AGBL4: variants seen among roughly 807,000 people sequenced by gnomAD.
AGBL4 encodes cytosolic carboxypeptidase 6.
In AGBL4, 58 loss-of-function variants were observed where a neutral mutation model predicts 66.4. The observed-to-expected ratio is 0.87, with a 90% confidence interval of 0.71 to 1.09. The LOEUF (loss-of-function observed/expected upper bound fraction) is 1.09, where lower values mean the gene tolerates loss of function less well. Among genes scored for constraint, AGBL4 ranks in the 50% least tolerant of loss-of-function variants. AGBL4 has a pLI of 0.00. For missense variants in AGBL4, 579 were observed against 631.0 expected, an observed-to-expected ratio of 0.92 and a Z score of 0.88; for synonymous variants, 234 against 222.9, an observed-to-expected ratio of 1.05 and a Z score of -0.44.
intron 3 of AGBL4, among the ~76,000 whole-genome samples, chr1:49,669,092 T>C (rs1438576397): frequency 2.6e-5 from 4 of 151,988 alleles, no homozygotes; most frequent in African/African-American, 7.2e-5. Context: ...CTTTACAACA[T>C]AGTGTGCAGA....
At chr1:49,758,400 T>G (rs1652053744) in intron 2 of AGBL4, among the ~76,000 whole-genome samples, 1 of 151,642 alleles carries the variant, frequency 6.6e-6, no homozygotes, top group Non-Finnish European at 1.5e-5. Flanking sequence ...ATGGCCACCA[T>G]CCTCTAGACC....
chr1:48,979,073 T>C (rs1401464369), intron 5 of AGBL4, among the ~76,000 whole-genome samples: 2 of 152,120 alleles, frequency 1.3e-5, no homozygotes, highest in Non-Finnish European at 1.5e-5. Flanking sequence ...CTGGAAAACA[T>C]AAATGAATTC....
At chr1:49,907,081 T>C (rs1650349708) in intron 1 of AGBL4, among the ~76,000 whole-genome samples, 2 of 152,110 alleles carry the variant, frequency 1.3e-5, no homozygotes, top group African/African-American at 2.4e-5. Flanking sequence ...TTCTAAGTTG[T>C]AGCAAAACAA....
At chr1:49,968,946 T>C in intron 1 of AGBL4, among the ~76,000 whole-genome samples, 1 of 152,240 alleles carries the variant, frequency 6.6e-6, no homozygotes, top group East Asian at 1.9e-4. Flanking sequence ...TAACCATTGT[T>C]ATGTTAAGGT....
At chr1:48,947,148 C>T (rs1656584774) in intron 5 of AGBL4, among the ~76,000 whole-genome samples, 1 of 152,248 alleles carries the variant, frequency 6.6e-6, no homozygotes, top group African/African-American at 2.4e-5. Context: ...TTGAGTCCAG[C>T]TCAAAAGTCA....
At chr1:49,757,446 A>C (rs892692738) in intron 2 of AGBL4, among the ~76,000 whole-genome samples, 1 of 152,230 alleles carries the variant, frequency 6.6e-6, no homozygotes, top group South Asian at 2.1e-4. Context: ...GCTCAAAAGA[A>C]GACAGAAAAG....
intron 5 of AGBL4, among the ~76,000 whole-genome samples, chr1:49,015,775 C>T (rs888672848): frequency 3.3e-5 from 5 of 151,994 alleles, no homozygotes; most frequent in Non-Finnish European, 7.4e-5. Flanking sequence ...TTTGAATTAG[C>T]ATGTACCACT....
rs548714229 is a variant in AGBL4, at chr1:49,507,753, T to C, written c.282+189560A>G. 3.3e-4 allele frequency among the ~76,000 whole-genome samples: 50 copies of C among 152,028 alleles called. No homozygotes were observed. The South Asian group carries it at 0.01, about 32-fold the overall frequency. ...TAATAACTCTCACAGCTAGTAATGA[T>C]TTTAAGAATAAATATGAGATAGATT... On this transcript the variant is annotated intron_variant, in intron 3 of 13. Coordinates refer to ENST00000371839, the MANE Select transcript of AGBL4 (RefSeq NM_032785.4).
At chr1:49,982,298 G>A (rs1659119949) in intron 1 of AGBL4, among the ~76,000 whole-genome samples, 1 of 152,242 alleles carries the variant, frequency 6.6e-6, no homozygotes, top group Non-Finnish European at 1.5e-5. Context: ...AGGACAGGTA[G>A]AAGCCCTCTG....
chr1:48,933,850 G>C (rs1216483378), intron 5 of AGBL4, among the ~76,000 whole-genome samples: 1 of 152,156 alleles, frequency 6.6e-6, no homozygotes, highest in East Asian at 1.9e-4. Context: ...GGTTCTGTTT[G>C]GGACAGTGAA....
chr1:48,591,369 AT>A (rs1201409290), intron 9 of AGBL4, among the ~76,000 whole-genome samples: 1 of 152,204 alleles, frequency 6.6e-6, no homozygotes, highest in Non-Finnish European at 1.5e-5. Context: ...TATTTCTCTG[AT>A]TAATGAGAAA....
chr1:49,469,609 A>G (rs1265490356), intron 3 of AGBL4, among the ~76,000 whole-genome samples: 1 of 151,944 alleles, frequency 6.6e-6, no homozygotes, highest in Non-Finnish European at 1.5e-5. Context: ...CTGACATCTC[A>G]TAAGACACCC....
In AGBL4 at chr1:49,366,239, G is replaced by T. The variant is rs1236565138; in HGVS notation, c.283-120375C>A. Among the ~76,000 whole-genome samples, 3 of 152,076 alleles carry T rather than the reference G, an allele frequency of 2.0e-5. No individual in the cohort carries two copies. The East Asian group carries it at 5.8e-4, about 29-fold the overall frequency. Reference sequence around the variant, plus strand: ...TGTCTTGATCATTGCTATATCCTTAGGTCCAATAGCAATGCTACAAGCTCA... The same window carrying T: ...TGTCTTGATCATTGCTATATCCTTATGTCCAATAGCAATGCTACAAGCTCA... On this transcript the variant is annotated intron_variant, in intron 3 of 13. Coordinates refer to ENST00000371839, the MANE Select transcript of AGBL4 (RefSeq NM_032785.4).
chr1:49,914,192 T>C (rs1170101597), intron 1 of AGBL4, among the ~76,000 whole-genome samples: 1 of 152,238 alleles, frequency 6.6e-6, no homozygotes, highest in African/African-American at 2.4e-5. Flanking sequence ...TGATTATAAA[T>C]TGTGTCTTTG....
intron 4 of AGBL4, among the ~76,000 whole-genome samples, chr1:49,081,698 C>A (rs182594951): frequency 6.6e-6 from 1 of 152,302 alleles, no homozygotes; most frequent in African/African-American, 2.4e-5. Flanking sequence ...AGGCACTCAC[C>A]AAGCCAAAGT....
At chr1:49,123,715 G>A (rs760897374) in intron 4 of AGBL4, among the ~76,000 whole-genome samples, 1 of 152,042 alleles carries the variant, frequency 6.6e-6, no homozygotes, top group Non-Finnish European at 1.5e-5. Context: ...TACTCTCCTT[G>A]GGTCTCAGTG....
intron 3 of AGBL4, among the ~76,000 whole-genome samples, chr1:49,372,625 TTCTTTC>T (rs1175388288): frequency 8.8e-6 from 1 of 113,816 alleles, no homozygotes; most frequent in Non-Finnish European, 1.8e-5. Flanking sequence ...CTTTCTTTCT[TTCTTTC>T]TTTCTTTCTT....
chr1:49,430,116 G>A (rs1420190869), intron 3 of AGBL4, among the ~76,000 whole-genome samples: 1 of 152,094 alleles, frequency 6.6e-6, no homozygotes, highest in Non-Finnish European at 1.5e-5. Flanking sequence ...GCCTCCAAAA[G>A]TGCTGGGATT....
intron 5 of AGBL4, among the ~76,000 whole-genome samples, chr1:48,900,269 A>G (rs1314092701): frequency 6.6e-6 from 1 of 152,240 alleles, no homozygotes; most frequent in Non-Finnish European, 1.5e-5. Context: ...CTGGGAAACA[A>G]ATTATTCTAA....
Sources: allele counts gnomAD v4.1 joint callset (sites outside exome capture counted in the v4.1 genomes callset), GRCh38; gene constraint gnomAD v4.1.1; transcripts MANE v1.5; gene names NCBI Gene and HGNC (gene_info 2026-07-23, HGNC 2026-07-21).